Variants in CDH1 observed in about 807,000 individuals in gnomAD.
CDH1 encodes the protein cadherin-1.
Under a neutral mutation model 84.5 loss-of-function variants are expected in CDH1, and 35 were observed. The observed-to-expected ratio is 0.41, with a 90% CI of 0.32 to 0.55. The LOEUF is 0.55. Ranked by LOEUF, CDH1 falls within the 20% of genes least tolerant of loss-of-function variation. CDH1 has a pLI of 0.19. For synonymous variants in CDH1, 417 were observed against 439.0 expected (o/e 0.95, Z 0.63); for missense variants, 994 against 1,126.6 (o/e 0.88, Z 1.68).
intron 2 of CDH1, among the ~76,000 whole-genome samples, chr16:68,784,838 A>T (rs1567493585): frequency 1.3e-5 from 2 of 150,996 alleles, no homozygotes; most frequent in South Asian, 4.2e-4. Flanking sequence ...ATAAGTTCCT[A>T]GGTCCAGTGT....
At chr16:68,747,551 C>T (rs1230502945) in intron 2 of CDH1, among the ~76,000 whole-genome samples, 1 of 152,138 alleles carries the variant, frequency 6.6e-6, no homozygotes, top group East Asian at 1.9e-4. Context: ...ACGCTTCACC[C>T]AGTTCTTCCC....
In CDH1 at chr16:68,833,795, T is replaced by A. The variant is rs1961562470; in HGVS notation, c.*296T>A. On this transcript the variant is annotated 3_prime_UTR_variant, in exon 16 of 16. Coordinates refer to ENST00000261769, the MANE Select transcript of CDH1 (RefSeq NM_004360.5). The stretch of plus-strand genomic sequence containing the variant: ...ATATTCCAGAAGAACAACTTTAGCA[T>A]CAGAAGGTTCACCCAGCACCTTGCA... 2.2e-6 allele frequency: 1 copy of A among 456,508 alleles called. No homozygotes were observed. Among genetic ancestry groups the A allele is most frequent in the South Asian group, 2.3e-5 (1 of 44,126 alleles). The allele number at this position is 456,508 out of a possible 1,614,324, so 28.3% of individuals were successfully genotyped here.
chr16:68,823,847 G>C (rs1224110943), intron 13 of CDH1, among the ~76,000 whole-genome samples: 1 of 152,078 alleles, frequency 6.6e-6, no homozygotes, highest in South Asian at 2.1e-4. Flanking sequence ...AGTCAACAGG[G>C]GACCCAGGTT....
chr16:68,818,998 G>A (rs1961063472), intron 10 of CDH1, among the ~76,000 whole-genome samples: 1 of 152,072 alleles, frequency 6.6e-6, no homozygotes, highest in Admixed American at 6.6e-5. Context: ...TGGGATTACA[G>A]GCGTGTGCCA....
intron 2 of CDH1, among the ~76,000 whole-genome samples, chr16:68,758,515 A>G (rs1963079474): frequency 6.6e-6 from 1 of 151,612 alleles, no homozygotes; most frequent in Non-Finnish European, 1.5e-5. Context: ...TGAGCCTGGG[A>G]GTTTCGAGGC....
intron 14 of CDH1, 45 bp downstream of exon 14, chr16:68,828,349 C>A (rs747463968): frequency 6.2e-7 from 1 of 1,606,648 alleles, no homozygotes; most frequent in Non-Finnish European, 8.5e-7. Flanking sequence ...TCTCTTTATT[C>A]GGAAGAAGCA....
At chr16:68,819,805 A>G (rs761085502) in intron 11 of CDH1, among the ~76,000 whole-genome samples, 4 of 152,158 alleles carry the variant, frequency 2.6e-5, no homozygotes, top group Non-Finnish European at 5.9e-5. Context: ...TTCTCCTTAT[A>G]TGTCTGATTC....
At chr16:68,802,301 G>A (rs1478208279) in intron 3 of CDH1, among the ~76,000 whole-genome samples, 4 of 152,202 alleles carry the variant, frequency 2.6e-5, no homozygotes, top group African/African-American at 7.2e-5. Flanking sequence ...GAGGAATTAC[G>A]TCACCTGTCT....
chr16:68,809,797 A>G (rs1960768029), intron 5 of CDH1, among the ~76,000 whole-genome samples: 1 of 152,160 alleles, frequency 6.6e-6, no homozygotes, highest in African/African-American at 2.4e-5. Context: ...AAGTGCTGAG[A>G]TTACATGAAC....
At chr16:68,764,491 C>T (rs1425124398) in intron 2 of CDH1, among the ~76,000 whole-genome samples, 6 of 152,180 alleles carry the variant, frequency 3.9e-5, no homozygotes, top group African/African-American at 1.4e-4. Flanking sequence ...ACAGGAGAAT[C>T]GCTTGAACTG....
At chr16:68,804,194 A>AG (rs1181926368) in intron 3 of CDH1, among the ~76,000 whole-genome samples, 1 of 139,720 alleles carries the variant, frequency 7.2e-6, no homozygotes, top group African/African-American at 2.7e-5. Flanking sequence ...GCTCACTGCA[A>AG]GCTCCACCTC....
intron 12 of CDH1, 118 bp downstream of exon 12, chr16:68,822,343 C>A: frequency 1.3e-6 from 1 of 747,860 alleles, no homozygotes; most frequent in Non-Finnish European, 2.4e-6. Flanking sequence ...TCCATTGATA[C>A]TTGCTTCCTT....
At chr16:68,738,268 C>A (rs1397776157) in intron 1 of CDH1, 29 bp from the exon 2 acceptor site, 1 of 1,397,152 alleles carries the variant, frequency 7.2e-7, no homozygotes, top group South Asian at 1.2e-5. Flanking sequence ...CCGAGTCACC[C>A]GGTTCCATCT....
chr16:68,772,685 A>C lies in CDH1; in HGVS notation c.164-28985A>C, dbSNP rs112715642. ...CACGGTGGCTCAAGCCTGTAATCCCAGTACTTTGGGAGGCCGAGGCAGGTG... is the reference window on the plus strand; with the variant it reads ...CACGGTGGCTCAAGCCTGTAATCCCCGTACTTTGGGAGGCCGAGGCAGGTG... On this transcript the variant is annotated intron_variant, in intron 2 of 15. Coordinates refer to ENST00000261769, the MANE Select transcript of CDH1 (RefSeq NM_004360.5). Among the ~76,000 whole-genome samples, 956 of 152,318 alleles carry C rather than the reference A, an allele frequency of 6.3e-3. 12 individuals carry two copies. Among genetic ancestry groups the C allele is most frequent in the African/African-American group, 0.022 (904 of 41,570 alleles).
chr16:68,788,516 C>G (rs980364125), intron 2 of CDH1, among the ~76,000 whole-genome samples: 2 of 152,128 alleles, frequency 1.3e-5, no homozygotes, highest in African/African-American at 4.8e-5. Flanking sequence ...GAACTGTGTA[C>G]TTTGGTGAAC....
At chr16:68,833,227 T>A in intron 15 of CDH1, 63 bp from the exon 16 acceptor site, 1 of 1,425,904 alleles carries the variant, frequency 7.0e-7, no homozygotes, top group Non-Finnish European at 9.9e-7. Context: ...CTAGACTTCT[T>A]GCCCCAGATG....
chr16:68,779,975 TC>T (rs1236828078), intron 2 of CDH1, among the ~76,000 whole-genome samples: 1 of 152,120 alleles, frequency 6.6e-6, no homozygotes, highest in Non-Finnish European at 1.5e-5. Context: ...TCCTTACTTC[TC>T]CCAGAATAAA....
At chr16:68,796,471 G>T (rs1470493260) in intron 2 of CDH1, among the ~76,000 whole-genome samples, 4 of 152,178 alleles carry the variant, frequency 2.6e-5, no homozygotes. Context: ...GACCAGGCGG[G>T]CGTGGGAGAA....
intron 2 of CDH1, among the ~76,000 whole-genome samples, chr16:68,785,951 A>G (rs921504100): frequency 2.0e-5 from 3 of 152,206 alleles, no homozygotes; most frequent in African/African-American, 7.2e-5. Flanking sequence ...TAAATGGCCC[A>G]TGGAGCATTT....
Sources: allele counts gnomAD v4.1 joint callset (sites outside exome capture counted in the v4.1 genomes callset), GRCh38; gene constraint gnomAD v4.1.1; transcripts MANE v1.5; gene names NCBI Gene and HGNC (gene_info 2026-07-23, HGNC 2026-07-21).